Variants in FOXN3 observed in about 807,000 individuals in gnomAD.
FOXN3 encodes forkhead box N3.
In FOXN3, 7 loss-of-function variants were observed where a neutral mutation model predicts 38.4. The ratio of observed to expected loss-of-function variants is 0.18; its 90% confidence interval spans 0.10 to 0.34. The LOEUF (loss-of-function observed/expected upper bound fraction) is 0.34, where lower values mean the gene tolerates loss of function less well. FOXN3 is among the 10% of genes least tolerant of loss of function. FOXN3 has a pLI of 1.00. For missense variants in FOXN3, 456 were observed against 613.4 expected (o/e 0.74, Z 2.71); for synonymous variants, 230 against 242.2 (o/e 0.95, Z 0.47).
At chr14:89,497,556 A>G (rs1893711752) in intron 1 of FOXN3, among the ~76,000 whole-genome samples, 1 of 151,458 alleles carries the variant, frequency 6.6e-6, no homozygotes, top group Non-Finnish European at 1.5e-5. Context: ...ACAGGCATGC[A>G]CCACCATGCC....
chr14:89,426,791 C>G (rs569771819), intron 1 of FOXN3, among the ~76,000 whole-genome samples: 1 of 152,048 alleles, frequency 6.6e-6, no homozygotes, highest in Admixed American at 6.6e-5. Context: ...AACACACAGC[C>G]GGTAAATGAT....
chr14:89,617,501 T>C (rs1178895946), intron 1 of FOXN3, among the ~76,000 whole-genome samples: 1 of 152,256 alleles, frequency 6.6e-6, no homozygotes, highest in Non-Finnish European at 1.5e-5. Context: ...CACAAGGCAC[T>C]TAAATTATCA....
chr14:89,598,489 T>C (rs1316012363), intron 1 of FOXN3, among the ~76,000 whole-genome samples: 2 of 152,308 alleles, frequency 1.3e-5, no homozygotes, highest in Middle Eastern at 3.4e-3. Context: ...CTCACTATGT[T>C]GTCCAGAGTG....
rs1566917394 is a variant in FOXN3 at position 89,161,415 on chromosome 14, G to C, written c.*999C>G. The C allele has an allele frequency of 6.9e-6, 1 of 144,676 alleles. No homozygotes were observed. 9.0% of individuals were successfully genotyped at this position (144,676 alleles called of 1,614,324 possible). On this transcript the variant is annotated 3_prime_UTR_variant, in exon 6 of 6. Coordinates refer to ENST00000557258, the MANE Select transcript of FOXN3 (RefSeq NM_005197.4). ...TTTTTTTTTTCACTTGGATCAAATA[G>C]TTTTGATAGACAGAAAAAGATCTGT...
chr14:89,484,490 C>T lies in FOXN3; in HGVS notation c.-14-72000G>A, dbSNP rs1395448775. On this transcript the variant is annotated intron_variant, in intron 1 of 6. Coordinates refer to the FOXN3 transcript ENST00000345097. The surrounding 1 kb of genome is among the most constrained non-coding windows in gnomAD (Gnocchi z 4.0). ...ATTTCATAAGGCACAAAATTTTATT[C>T]TTTTAATTTTTCCCAACCACTGAAA... 6.6e-6 allele frequency among the ~76,000 whole-genome samples: 1 copy of T among 152,144 alleles called. No individual in the cohort carries two copies. Among genetic ancestry groups the T allele is most frequent in the Non-Finnish European group, 1.5e-5 (1 of 68,024 alleles).
intron 1 of FOXN3, among the ~76,000 whole-genome samples, chr14:89,426,962 T>C (rs1286186675): frequency 6.6e-6 from 1 of 151,890 alleles, no homozygotes; most frequent in East Asian, 1.9e-4. Flanking sequence ...CCGGGCGCGG[T>C]GGCTCACGCC....
At chr14:89,590,801 C>T (rs1895935249) in intron 1 of FOXN3, among the ~76,000 whole-genome samples, 1 of 152,156 alleles carries the variant, frequency 6.6e-6, no homozygotes, top group Non-Finnish European at 1.5e-5. Context: ...CCCCACCTTT[C>T]TGTGCAAGAA....
chr14:89,268,924 T>C (rs773637740), intron 4 of FOXN3, among the ~76,000 whole-genome samples: 7 of 152,188 alleles, frequency 4.6e-5, no homozygotes, highest in Non-Finnish European at 1.0e-4. Context: ...TTCATAACTA[T>C]TTCTTTTCCA....
At chr14:89,544,847 G>A (rs1230598348) in intron 1 of FOXN3, among the ~76,000 whole-genome samples, 1 of 152,192 alleles carries the variant, frequency 6.6e-6, no homozygotes, top group Non-Finnish European at 1.5e-5. Context: ...GGGACAGCAC[G>A]AGATTTCATC....
chr14:89,277,407 T>C (rs912020560), intron 4 of FOXN3, among the ~76,000 whole-genome samples: 4 of 152,222 alleles, frequency 2.6e-5, no homozygotes, highest in African/African-American at 9.6e-5. Context: ...TGTACAAGAA[T>C]TGAAGTGCTC....
At chr14:89,288,259 G>A (rs1462854222) in intron 3 of FOXN3, among the ~76,000 whole-genome samples, 1 of 152,104 alleles carries the variant, frequency 6.6e-6, no homozygotes, top group Non-Finnish European at 1.5e-5. Context: ...AACTGAGTGT[G>A]TGGCAAGATT....
At chr14:89,555,430 T>C (rs1253012655) in intron 1 of FOXN3, among the ~76,000 whole-genome samples, 1 of 152,210 alleles carries the variant, frequency 6.6e-6, no homozygotes, top group Non-Finnish European at 1.5e-5. Context: ...GTAACAGTAT[T>C]ATCAACTTCA....
intron 1 of FOXN3, among the ~76,000 whole-genome samples, chr14:89,489,245 G>C (rs1476816407): frequency 6.6e-6 from 1 of 151,938 alleles, no homozygotes; most frequent in East Asian, 1.9e-4. Context: ...CCACCTTCTT[G>C]GAAATTTAAA....
intron 4 of FOXN3, among the ~76,000 whole-genome samples, chr14:89,189,409 C>G (rs932519575): frequency 7.9e-5 from 12 of 152,148 alleles, no homozygotes. Flanking sequence ...TAGGTGAGTG[C>G]CAGCCCCTAA....
At chr14:89,243,891 C>A (rs6575048) in intron 4 of FOXN3, among the ~76,000 whole-genome samples, 5 of 152,072 alleles carry the variant, frequency 3.3e-5, no homozygotes, top group African/African-American at 4.8e-5. Flanking sequence ...CCACATAAGC[C>A]CTCCCTCCGG....
intron 3 of FOXN3, among the ~76,000 whole-genome samples, chr14:89,340,729 G>A (rs1888591246): frequency 6.6e-6 from 1 of 151,906 alleles, no homozygotes; most frequent in Non-Finnish European, 1.5e-5. Flanking sequence ...TGATTTGATG[G>A]ACAGCTTTTG....
intron 4 of FOXN3, among the ~76,000 whole-genome samples, chr14:89,209,876 T>C (rs1046383697): frequency 1.3e-5 from 2 of 152,238 alleles, no homozygotes; most frequent in African/African-American, 4.8e-5. Flanking sequence ...CTGCATGATA[T>C]ACCAATGCGG....
rs984028279 is a variant in FOXN3, at chr14:89,612,987, C to T, written c.-15+6041G>A. Among the ~76,000 whole-genome samples the T allele has an allele frequency of 7.2e-5, 11 of 151,798 alleles. No homozygotes were observed. The East Asian group carries it at 9.8e-4, about 13-fold the overall frequency. Reference sequence around the variant, plus strand: ...ACAAAATTAGCCAGGCGTGGTGGCACGCACCTGTAATCCCAGCTACTCAGG... The same window carrying T: ...ACAAAATTAGCCAGGCGTGGTGGCATGCACCTGTAATCCCAGCTACTCAGG... On this transcript the variant is annotated intron_variant, in intron 1 of 6. Transcript: ENST00000345097.
At chr14:89,404,533 G>A (rs745384610) in intron 2 of FOXN3, among the ~76,000 whole-genome samples, 7 of 130,086 alleles carry the variant, frequency 5.4e-5, no homozygotes, top group East Asian at 4.4e-4. Flanking sequence ...AAAAAAAATC[G>A]GCAGGATGGG....
Sources: allele counts gnomAD v4.1 joint callset (sites outside exome capture counted in the v4.1 genomes callset), GRCh38; gene constraint gnomAD v4.1.1; non-coding constraint Gnocchi (gnomAD v3.1); transcripts MANE v1.5; gene names NCBI Gene and HGNC (gene_info 2026-07-23, HGNC 2026-07-21).